SNX29: variants seen among roughly 807,000 people sequenced by gnomAD.
SNX29 encodes the protein sorting nexin 29.
Under a neutral mutation model 102.1 loss-of-function variants are expected in SNX29, and 78 were observed. The ratio of observed to expected loss-of-function variants is 0.76; its 90% confidence interval spans 0.64 to 0.92. SNX29 has a LOEUF of 0.92. Ranked by LOEUF, SNX29 falls within the 40% of genes least tolerant of loss-of-function variation. SNX29 has a pLI of 0.00. For synonymous variants in SNX29, 580 were observed against 414.5 expected (o/e 1.40, Z -4.85); for missense variants, 1,280 against 1,061.7 (o/e 1.21, Z -2.86).
intron 11 of SNX29, chr16:12,088,203 A>G (rs2052312678): frequency 2.3e-6 from 1 of 439,706 alleles, no homozygotes; most frequent in African/African-American, 2.0e-5. Flanking sequence ...GAGACAGGAG[A>G]GGCAGGAACA....
At chr16:12,562,207 CCTG>C (rs1567206776) in intron 20 of SNX29, among the ~76,000 whole-genome samples, 1 of 152,008 alleles carries the variant, frequency 6.6e-6, no homozygotes, top group African/African-American at 2.4e-5. Flanking sequence ...AGGAGTGAAC[CCTG>C]CTGGAGGTGG....
chr16:12,037,376 C>T (rs1421386195), intron 4 of SNX29, among the ~76,000 whole-genome samples: 3 of 152,036 alleles, frequency 2.0e-5, no homozygotes, highest in African/African-American at 7.3e-5. Context: ...AGAACTTGTG[C>T]GAAGAGACCC....
intron 4 of SNX29, among the ~76,000 whole-genome samples, chr16:12,028,133 C>G (rs2057243369): frequency 6.6e-6 from 1 of 152,194 alleles, no homozygotes; most frequent in African/African-American, 2.4e-5. Flanking sequence ...CTGACCACGG[C>G]TGCTGCTGGG....
chr16:12,552,164 T>C (rs2078019372), intron 20 of SNX29, among the ~76,000 whole-genome samples: 1 of 152,116 alleles, frequency 6.6e-6, no homozygotes, highest in Admixed American at 6.5e-5. Flanking sequence ...CTTAATCTAC[T>C]AATCCTGCAG....
chr16:12,554,387 G>A (rs201323044), intron 20 of SNX29, among the ~76,000 whole-genome samples: 6 of 32,500 alleles, frequency 1.8e-4, no homozygotes, highest in Non-Finnish European at 2.2e-4. Context: ...TCTGTGCCCC[G>A]TGCATGGGTG....
intron 8 of SNX29, among the ~76,000 whole-genome samples, chr16:12,057,104 G>A (rs1045525993): frequency 6.6e-6 from 1 of 152,190 alleles, no homozygotes; most frequent in Admixed American, 6.5e-5. Flanking sequence ...ATGGGTCACT[G>A]AGCCAGGCCC....
intron 4 of SNX29, among the ~76,000 whole-genome samples, chr16:12,033,093 G>C (rs1366628568): frequency 3.3e-5 from 5 of 152,088 alleles, no homozygotes; most frequent in African/African-American, 9.7e-5. Flanking sequence ...GGCCTCAAGT[G>C]ATCTGCCCGC....
chr16:12,300,800 G>T (rs749469801), intron 15 of SNX29, among the ~76,000 whole-genome samples: 64 of 152,154 alleles, frequency 4.2e-4, no homozygotes, highest in Non-Finnish European at 8.2e-4. Context: ...GTGGGAGGCT[G>T]TTCCGCATGT....
At chr16:12,043,546 G>A (rs1567557722) in intron 5 of SNX29, among the ~76,000 whole-genome samples, 1 of 151,874 alleles carries the variant, frequency 6.6e-6, no homozygotes, top group Non-Finnish European at 1.5e-5. Flanking sequence ...TTGTAGCGAT[G>A]GGGTCTCAGT....
chr16:12,078,056 C>T (rs540910451), intron 10 of SNX29, among the ~76,000 whole-genome samples: 1 of 152,184 alleles, frequency 6.6e-6, no homozygotes, highest in Non-Finnish European at 1.5e-5. Context: ...TAAGCCATGC[C>T]TGAATGAAGC....
chr16:12,420,685 A>G (rs1467359459), intron 18 of SNX29, among the ~76,000 whole-genome samples: 1 of 152,162 alleles, frequency 6.6e-6, no homozygotes, highest in Non-Finnish European at 1.5e-5. Context: ...ATTAAATGAG[A>G]TGATAGAGGT....
chr16:12,556,078 G>C (rs2141407755), intron 20 of SNX29, among the ~76,000 whole-genome samples: 1 of 152,196 alleles, frequency 6.6e-6, no homozygotes, highest in Middle Eastern at 3.4e-3. Context: ...TAATCTTATA[G>C]AATTAATTTC....
At chr16:12,047,072 T>C (rs1488937260) in intron 6 of SNX29, among the ~76,000 whole-genome samples, 1 of 152,232 alleles carries the variant, frequency 6.6e-6, no homozygotes, top group African/African-American at 2.4e-5. Context: ...CCTTGCTACC[T>C]GGTGACCTGG....
intron 11 of SNX29, among the ~76,000 whole-genome samples, chr16:12,086,099 G>T (rs972301363): frequency 6.6e-6 from 1 of 151,370 alleles, no homozygotes; most frequent in Non-Finnish European, 1.5e-5. Flanking sequence ...CGCCTCCCGG[G>T]CTCACGCCAT....
chr16:11,991,711 C>CTT (rs762156831), intron 1 of SNX29, among the ~76,000 whole-genome samples: 4 of 118,352 alleles, frequency 3.4e-5, no homozygotes, highest in African/African-American at 1.3e-4. Context: ...TGAGGCTAAT[C>CTT]TTTTTTTTTT....
chr16:12,290,276 C>A (rs758989516), intron 15 of SNX29, among the ~76,000 whole-genome samples: 1 of 152,176 alleles, frequency 6.6e-6, no homozygotes, highest in East Asian at 1.9e-4. Flanking sequence ...CTCAAATGCA[C>A]GTGTTCTCAC....
intron 8 of SNX29, among the ~76,000 whole-genome samples, chr16:12,057,654 A>T (rs1016470562): frequency 1.3e-5 from 2 of 152,186 alleles, no homozygotes; most frequent in African/African-American, 4.8e-5. Flanking sequence ...CTAAATGTGC[A>T]GCCACAGGGG....
chr16:12,128,952 C>T (rs1198557388), intron 12 of SNX29, among the ~76,000 whole-genome samples: 1 of 152,128 alleles, frequency 6.6e-6, no homozygotes, highest in Non-Finnish European at 1.5e-5. Context: ...TATTTAAGAC[C>T]AGGGATGACA....
intron 3 of SNX29, among the ~76,000 whole-genome samples, chr16:12,016,560 TCTGTGTC>T (rs2056855129): frequency 6.6e-6 from 1 of 152,222 alleles, no homozygotes; most frequent in South Asian, 2.1e-4. Flanking sequence ...ATCCAGTTTC[TCTGTGTC>T]CTTGCTAGCA....
Sources: allele counts gnomAD v4.1 joint callset (sites outside exome capture counted in the v4.1 genomes callset), GRCh38; gene constraint gnomAD v4.1.1; transcripts MANE v1.5; gene names NCBI Gene and HGNC (gene_info 2026-07-23, HGNC 2026-07-21).